CARMIL1: variants seen among roughly 807,000 people sequenced by gnomAD.
CARMIL1 encodes F-actin-uncapping protein LRRC16A.
CARMIL1 carries 90 observed loss-of-function variants against 177.1 expected under a neutral mutation model. That is an observed-to-expected ratio of 0.51 (90% CI 0.43 to 0.61). The LOEUF is 0.61. Ranked by LOEUF, CARMIL1 falls within the 20% of genes least tolerant of loss-of-function variation. The probability of loss-of-function intolerance (pLI) is 0.00; values close to 1 mark genes in which losing one functional copy is unlikely to be tolerated. For missense variants in CARMIL1, 1,380 were observed against 1,667.0 expected (o/e 0.83, Z 3.00); for synonymous variants, 577 against 606.2 (o/e 0.95, Z 0.71).
At chr6:25,589,382 T>C (rs1582457321) in intron 31 of CARMIL1, among the ~76,000 whole-genome samples, 2 of 152,244 alleles carry the variant, frequency 1.3e-5, no homozygotes, top group East Asian at 3.8e-4. Flanking sequence ...TATGAAATTG[T>C]CTGGAATCCA....
At position 25,372,990 on chromosome 6, in the gene CARMIL1, A is replaced by C. The variant is rs116571409; in HGVS notation, c.139-47124A>C. Among the ~76,000 whole-genome samples the C allele has an allele frequency of 5.3e-3, 806 of 152,286 alleles. 8 individuals carry two copies. The highest frequency in any genetic ancestry group is 0.012 in the African/African-American group (513 of 41,568). ...TTTATCGAATGCTTTTTCTGCATCTATTAAGATGATCAATAGATTTTTGTG... is the reference window on the plus strand; with the variant it reads ...TTTATCGAATGCTTTTTCTGCATCTCTTAAGATGATCAATAGATTTTTGTG... On this transcript the variant is annotated intron_variant, in intron 2 of 36. Transcript: ENST00000329474.
intron 27 of CARMIL1, 26 bp downstream of exon 27, chr6:25,551,111 A>C (rs1810058418): frequency 6.3e-7 from 1 of 1,582,084 alleles, no homozygotes; most frequent in East Asian, 2.2e-5. Flanking sequence ...TAATAAACCT[A>C]GGAGCTGCAG....
chr6:25,468,485 T>G (rs1800827820), intron 9 of CARMIL1, among the ~76,000 whole-genome samples: 1 of 152,264 alleles, frequency 6.6e-6, no homozygotes, highest in South Asian at 2.1e-4. Context: ...TTGTTTACAT[T>G]CCATTTTTAA....
intron 8 of CARMIL1, among the ~76,000 whole-genome samples, chr6:25,459,269 T>TCTTTCTCTTTCTTTCTTTCTTTC (rs56094712): frequency 9.3e-5 from 11 of 118,208 alleles, no homozygotes; most frequent in African/African-American, 3.5e-4. Context: ...TTTCTTTCTT[T>TCTTTCTCTTTCTTTCTTTCTTTC]TTTTTTTTTT....
intron 35 of CARMIL1, among the ~76,000 whole-genome samples, chr6:25,607,278 G>A (rs1156644686): frequency 6.6e-6 from 1 of 151,584 alleles, no homozygotes; most frequent in Non-Finnish European, 1.5e-5. Context: ...AGTAGGATAG[G>A]TAATATATGA....
intron 11 of CARMIL1, among the ~76,000 whole-genome samples, chr6:25,481,638 G>A (rs1348756823): frequency 2.6e-5 from 4 of 152,182 alleles, no homozygotes; most frequent in African/African-American, 9.7e-5. Flanking sequence ...GGATGGGTGA[G>A]CTGGTGTTCC....
intron 29 of CARMIL1, among the ~76,000 whole-genome samples, chr6:25,565,130 G>A (rs1327787326): frequency 1.3e-5 from 2 of 152,220 alleles, no homozygotes; most frequent in Non-Finnish European, 2.9e-5. Context: ...AGACAGAACA[G>A]TGCAATTTGA....
At chr6:25,460,483 G>T (rs1023039882) in intron 8 of CARMIL1, among the ~76,000 whole-genome samples, 2 of 152,114 alleles carry the variant, frequency 1.3e-5, no homozygotes, top group Non-Finnish European at 2.9e-5. Context: ...GTGGCTTGAT[G>T]CCCAGAAAGT....
chr6:25,400,611 C>G (rs1406080876), intron 2 of CARMIL1, among the ~76,000 whole-genome samples: 2 of 152,132 alleles, frequency 1.3e-5, no homozygotes, highest in African/African-American at 4.8e-5. Context: ...ATTCATATCC[C>G]AAAGCTCCTT....
intron 8 of CARMIL1, among the ~76,000 whole-genome samples, chr6:25,458,424 T>C (rs1582022098): frequency 7.0e-6 from 1 of 142,090 alleles, no homozygotes; most frequent in South Asian, 2.3e-4. Flanking sequence ...GGTGGCGAGG[T>C]TGCAGTGAGC....
rs536491852 is a variant in CARMIL1 at position 25,307,172 on chromosome 6, C to T, written c.138+22263C>T. Among the ~76,000 whole-genome samples the T allele has an allele frequency of 7.9e-5, 12 of 152,300 alleles. No individual in the cohort carries two copies. In the East Asian group the frequency reaches 2.1e-3, roughly 27 times the overall value. On this transcript the variant is annotated intron_variant, in intron 2 of 36. Transcript: ENST00000329474. ...CTGGGATTACAGCTGTGAGCCACCGCGCCCGGTCGCCCTGGTCCTTTTGAA... is the reference window on the plus strand; with the variant it reads ...CTGGGATTACAGCTGTGAGCCACCGTGCCCGGTCGCCCTGGTCCTTTTGAA...
intron 17 of CARMIL1, among the ~76,000 whole-genome samples, chr6:25,502,546 T>C (rs1413759082): frequency 1.2e-5 from 1 of 85,004 alleles, no homozygotes; most frequent in East Asian, 4.3e-4. Context: ...AGCTAGACTC[T>C]ATCTCAAAAA....
At chr6:25,527,031 A>G (rs778008103) in intron 23 of CARMIL1, among the ~76,000 whole-genome samples, 1 of 152,222 alleles carries the variant, frequency 6.6e-6, no homozygotes, top group Admixed American at 6.5e-5. Flanking sequence ...ACTAAAATAC[A>G]GATTTTTTGT....
chr6:25,347,523 T>A (rs934211420), intron 2 of CARMIL1, among the ~76,000 whole-genome samples: 1 of 152,228 alleles, frequency 6.6e-6, no homozygotes, highest in South Asian at 2.1e-4. Context: ...TCCTAGTAAG[T>A]TTTCAAAAAC....
intron 2 of CARMIL1, among the ~76,000 whole-genome samples, chr6:25,292,432 A>G (rs182814608): frequency 2.0e-5 from 3 of 152,242 alleles, no homozygotes; most frequent in Non-Finnish European, 4.4e-5. Flanking sequence ...AAAAGAATCC[A>G]TATTTAAGCA....
chr6:25,520,304 A>T lies in CARMIL1; in HGVS notation c.1935A>T (p.Thr645=). The T allele has an allele frequency of 6.4e-7, 1 of 1,561,188 alleles. No homozygotes were observed. Among genetic ancestry groups the T allele is most frequent in the Non-Finnish European group, 8.7e-7 (1 of 1,151,092 alleles). ...ATGATGCTTCTCAAGCCCTAAAAAC[A>T]AACCCTGAAAAAACAGAAGACGCTC... is the stretch of plus-strand genomic sequence containing the variant. ...PMYDASQALK[T]NPEKTEDALQ... The change falls in exon 23 of 37, where the codon ACA becomes ACT. Residue 645 remains threonine, a synonymous_variant. Transcript: ENST00000329474.
intron 11 of CARMIL1, among the ~76,000 whole-genome samples, chr6:25,473,822 A>G (rs1163234050): frequency 6.6e-6 from 1 of 152,224 alleles, no homozygotes; most frequent in African/African-American, 2.4e-5. Flanking sequence ...ATCTTTTAAT[A>G]TTTAACAAGA....
intron 12 of CARMIL1, 67 bp from the exon 13 acceptor site, chr6:25,488,415 A>T: frequency 8.7e-7 from 1 of 1,143,950 alleles, no homozygotes; most frequent in East Asian, 2.3e-5. Context: ...TGGGCCATTT[A>T]TAGAAACACA....
intron 2 of CARMIL1, among the ~76,000 whole-genome samples, chr6:25,288,092 A>G (rs1781658454): frequency 6.6e-6 from 1 of 152,180 alleles, no homozygotes; most frequent in African/African-American, 2.4e-5. Context: ...GGAACTCCCA[A>G]CTCAGGCCTG....
Sources: allele counts gnomAD v4.1 joint callset (sites outside exome capture counted in the v4.1 genomes callset), GRCh38; gene constraint gnomAD v4.1.1; transcripts MANE v1.5; gene names NCBI Gene and HGNC (gene_info 2026-07-23, HGNC 2026-07-21).